Variants in FGD3 observed in about 807,000 individuals in gnomAD.
FGD3 encodes the protein FYVE, RhoGEF and PH domain-containing protein 3.
In FGD3, 45 loss-of-function variants were observed where a neutral mutation model predicts 71.8. That is an observed-to-expected ratio of 0.63 (90% confidence interval 0.49 to 0.80). The LOEUF is 0.80. FGD3 is among the 30% of genes least tolerant of loss of function. FGD3 has a pLI of 0.00. For missense variants in FGD3, 844 were observed against 951.5 expected, an observed-to-expected ratio of 0.89 and a Z score of 1.49; for synonymous variants, 378 against 392.8, an observed-to-expected ratio of 0.96 and a Z score of 0.44.
chr9:92,975,169 C>T (rs931606004), intron 1 of FGD3, 69 bp from the exon 2 acceptor site: 3 of 152,556 alleles, frequency 2.0e-5, no homozygotes, highest in African/African-American at 7.2e-5. Context: ...CCCGCAGAGC[C>T]GGGGCCTCTG....
chr9:93,007,100 A>AT (rs1448232734), intron 6 of FGD3, among the ~76,000 whole-genome samples: 1 of 132,888 alleles, frequency 7.5e-6, no homozygotes. Context: ...TTATTTTTTA[A>AT]TTTTTTTTGA....
intron 1 of FGD3, among the ~76,000 whole-genome samples, chr9:92,956,548 G>C (rs764363939): frequency 2.6e-5 from 4 of 152,194 alleles, no homozygotes; most frequent in African/African-American, 4.8e-5. Flanking sequence ...ACAAGGATAT[G>C]ATGGCTGCCT....
chr9:92,986,621 T>C (rs184933469), intron 3 of FGD3, among the ~76,000 whole-genome samples: 2 of 152,354 alleles, frequency 1.3e-5, no homozygotes, highest in Non-Finnish European at 2.9e-5. Flanking sequence ...AAAGGAAGAA[T>C]GTTCCCTTAT....
At position 92,988,481 on chromosome 9, in the gene FGD3, C is replaced by A. The variant is rs532774537; in HGVS notation, c.453+11772C>A. On this transcript the variant is annotated intron_variant, in intron 3 of 17. Coordinates refer to ENST00000375482, the MANE Select transcript of FGD3 (RefSeq NM_001083536.2). ...ATCAAGACCATCACCTGATGATGGT[C>A]ACCTGATATTCCTGGTGTGGCGGGG... 2.0e-5 allele frequency among the ~76,000 whole-genome samples: 3 copies of A among 152,330 alleles called. No homozygotes were observed. The South Asian group carries it at 6.2e-4, about 32-fold the overall frequency.
intron 14 of FGD3, among the ~76,000 whole-genome samples, chr9:93,026,580 G>C (rs1398069272): frequency 6.6e-6 from 1 of 152,180 alleles, no homozygotes; most frequent in Non-Finnish European, 1.5e-5. Flanking sequence ...TTCCATAGCT[G>C]GGAAGATTTG....
chr9:92,973,546 T>C (rs995515097), intron 1 of FGD3, among the ~76,000 whole-genome samples: 2 of 152,216 alleles, frequency 1.3e-5, no homozygotes, highest in Non-Finnish European at 2.9e-5. Flanking sequence ...TATGGACTTC[T>C]TCCTGTTAAG....
intron 1 of FGD3, among the ~76,000 whole-genome samples, chr9:92,970,904 C>T (rs563233029): frequency 8.5e-5 from 13 of 152,346 alleles, no homozygotes; most frequent in African/African-American, 1.9e-4. Flanking sequence ...GGGCTCTGCC[C>T]GGCTACACTT....
intron 8 of FGD3, among the ~76,000 whole-genome samples, 193 bp downstream of exon 8, chr9:93,011,465 CT>C (rs1861375347): frequency 1.3e-5 from 2 of 152,206 alleles, no homozygotes; most frequent in South Asian, 4.1e-4. Flanking sequence ...GACCTGTGTC[CT>C]TGGTGAGTTA....
chr9:93,030,729 G>GA (rs1264196084), intron 15 of FGD3, among the ~76,000 whole-genome samples: 1 of 135,476 alleles, frequency 7.4e-6, no homozygotes, highest in African/African-American at 2.7e-5. Flanking sequence ...AGGGGGGGGG[G>GA]AATAAGTAGA....
At chr9:92,958,355 G>A (rs1368632269) in intron 1 of FGD3, among the ~76,000 whole-genome samples, 1 of 152,136 alleles carries the variant, frequency 6.6e-6, no homozygotes, top group Non-Finnish European at 1.5e-5. Flanking sequence ...TGAGAGAAAA[G>A]TACAGAGATT....
chr9:92,958,921 C>G (rs1012871724), intron 1 of FGD3, among the ~76,000 whole-genome samples: 33 of 152,174 alleles, frequency 2.2e-4, no homozygotes, highest in African/African-American at 7.7e-4. Flanking sequence ...ATCCTTATGT[C>G]AATACCACAT....
chr9:93,024,250 G>A (rs1862039032), intron 14 of FGD3, among the ~76,000 whole-genome samples: 1 of 152,234 alleles, frequency 6.6e-6, no homozygotes, highest in Non-Finnish European at 1.5e-5. Flanking sequence ...AGCCACAGAA[G>A]CTTGAGCTGC....
chr9:92,989,529 G>T (rs1564152269), intron 3 of FGD3, among the ~76,000 whole-genome samples: 1 of 152,204 alleles, frequency 6.6e-6, no homozygotes, highest in African/African-American at 2.4e-5. Flanking sequence ...ATGCTTGGAA[G>T]AAATAAACAT....
chr9:93,014,945 G>A (rs896914195), intron 9 of FGD3, among the ~76,000 whole-genome samples: 1 of 151,850 alleles, frequency 6.6e-6, no homozygotes, highest in Admixed American at 6.6e-5. Context: ...GTTACAATTT[G>A]ATCACTGCCC....
chr9:93,023,886 C>T (rs185886584), intron 14 of FGD3, among the ~76,000 whole-genome samples: 113 of 150,794 alleles, frequency 7.5e-4, no homozygotes, highest in African/African-American at 2.5e-3. Flanking sequence ...ACTGCAACCT[C>T]CACTTCCCAG....
intron 5 of FGD3, among the ~76,000 whole-genome samples, 196 bp from the exon 6 acceptor site, chr9:93,005,827 AT>A (rs564723298): frequency 8.1e-4 from 124 of 152,240 alleles, no homozygotes; most frequent in Non-Finnish European, 1.5e-3. Flanking sequence ...GGCATCTTTC[AT>A]TTAATTGCCC....
At chr9:93,011,626 G>A (rs1478371666) in intron 8 of FGD3, among the ~76,000 whole-genome samples, 1 of 152,198 alleles carries the variant, frequency 6.6e-6, no homozygotes, top group Non-Finnish European at 1.5e-5. Context: ...GGGAGGCCGA[G>A]GCGGGCGGAT....
Position 93,019,855 on chromosome 9 carries a change from G to A in FGD3, c.1380G>A (p.Trp460Ter). The A allele has an allele frequency of 6.2e-7, 1 of 1,614,052 alleles. No individual in the cohort carries two copies. Among genetic ancestry groups the A allele is most frequent in the Non-Finnish European group, 8.5e-7 (1 of 1,179,944 alleles). ...QTRTEEEKKE[W>*]IQIIQATIEK... is the part of the protein sequence containing the mutation. ...GGACAGAGGAAGAGAAGAAAGAATG[G>A]ATTCAGGTGAAGCTTCTAAAGTTGT... The change falls in exon 12 of 18, where the codon TGG becomes TGA. Residue 460 changes from tryptophan (W) to a stop codon, truncating the protein, a stop_gained. Coordinates refer to ENST00000375482, the MANE Select transcript of FGD3 (RefSeq NM_001083536.2). LOFTEE classifies it high-confidence loss of function.
intron 16 of FGD3, 112 bp downstream of exon 16, chr9:93,032,985 C>A: frequency 9.5e-7 from 1 of 1,051,050 alleles, no homozygotes; most frequent in Non-Finnish European, 1.5e-6. Context: ...GTCCCTGGGA[C>A]CAGGATAGAT....
Sources: gnomAD v4.1 joint callset for allele counts (sites outside exome capture counted in the v4.1 genomes callset) on GRCh38, gnomAD v4.1.1 for gene constraint, MANE v1.5 for transcripts, NCBI Gene and HGNC (gene_info 2026-07-23, HGNC 2026-07-21) for gene names.